The following PDE1A variants were observed in gnomAD, a reference collection of about 807,000 sequenced individuals.
PDE1A encodes phosphodiesterase 1A.
PDE1A carries 35 observed loss-of-function variants against 61.7 expected under a neutral mutation model. The ratio of observed to expected loss-of-function variants is 0.57; its 90% CI spans 0.43 to 0.75. The LOEUF is 0.75. Ranked by LOEUF, PDE1A falls within the 30% of genes least tolerant of loss-of-function variation. The pLI, the probability that PDE1A is intolerant of heterozygous loss-of-function variation, is 0.00. For missense variants in PDE1A, 597 were observed against 630.6 expected (o/e 0.95, Z 0.57); for synonymous variants, 232 against 213.2 (o/e 1.09, Z -0.77).
chr2:182,699,911 C>A, the PDE1A span, among the ~76,000 whole-genome samples: 1 of 152,190 alleles, frequency 6.6e-6, no homozygotes, highest in Admixed American at 6.5e-5. Flanking sequence ...AGCTAGGATT[C>A]CAACCAGGCC....
At chr2:182,458,002 A>G (rs186236545) in intron 2 of PDE1A, among the ~76,000 whole-genome samples, 19 of 152,180 alleles carry the variant, frequency 1.2e-4, no homozygotes, top group Admixed American at 2.6e-4. Flanking sequence ...TCCTCTATTG[A>G]TAAGGGAAAC....
intron 1 of PDE1A, among the ~76,000 whole-genome samples, chr2:182,369,011 C>T (rs1419172228): frequency 1.3e-5 from 2 of 150,546 alleles, no homozygotes; most frequent in East Asian, 1.9e-4. Context: ...GAGTTAGACT[C>T]GGATAAAAAA....
intron 3 of PDE1A, among the ~76,000 whole-genome samples, 179 bp downstream of exon 3, chr2:182,239,931 C>T (rs896230426): frequency 5.9e-5 from 9 of 152,102 alleles, no homozygotes; most frequent in African/African-American, 2.2e-4. Context: ...CATCCGGGAC[C>T]AGGTGTTTTT....
intron 1 of PDE1A, among the ~76,000 whole-genome samples, chr2:182,264,848 A>G (rs1482793847): frequency 1.7e-5 from 2 of 114,810 alleles, no homozygotes; most frequent in African/African-American, 3.5e-5. Context: ...TTGACCAATG[A>G]GTGGATAAAG....
chr2:182,193,070 C>T (rs1685846576), intron 10 of PDE1A, among the ~76,000 whole-genome samples: 1 of 152,064 alleles, frequency 6.6e-6, no homozygotes, highest in Non-Finnish European at 1.5e-5. Flanking sequence ...TCACTGCAAC[C>T]TCCGCCTCCT....
chr2:182,388,164 T>C (rs1250111625), intron 1 of PDE1A, among the ~76,000 whole-genome samples: 1 of 152,168 alleles, frequency 6.6e-6, no homozygotes, highest in Non-Finnish European at 1.5e-5. Context: ...TACAACATTG[T>C]AGCACTTAAA....
the PDE1A span, among the ~76,000 whole-genome samples, chr2:182,544,923 G>A: frequency 6.6e-6 from 1 of 152,020 alleles, no homozygotes; most frequent in African/African-American, 2.4e-5. Flanking sequence ...GGATGAAAAG[G>A]AATAAACAGT....
chr2:182,374,678 C>T (rs1185963486), intron 1 of PDE1A, among the ~76,000 whole-genome samples: 1 of 152,158 alleles, frequency 6.6e-6, no homozygotes, highest in South Asian at 2.1e-4. Flanking sequence ...AAACACTTCA[C>T]AAAATAAGAC....
At chr2:182,233,885 G>A (rs1413669363) in intron 4 of PDE1A, among the ~76,000 whole-genome samples, 3 of 151,830 alleles carry the variant, frequency 2.0e-5, no homozygotes, top group Non-Finnish European at 2.9e-5. Context: ...TCTAACATAT[G>A]TAGCGCTGCA....
rs201821721 is a variant in PDE1A at position 182,364,466 on chromosome 2, TAAAAAAA to T, written c.53+62105_53+62111del. On this transcript the variant is annotated intron_variant, in intron 1 of 13. Coordinates refer to ENST00000351439, the Ensembl canonical transcript of PDE1A. ...CTCAGACTATATTAGAACACTTTGG[TAAAAAAA>T]AAAAAAAAAAAAAAAAAAAAAAAAA... Among the ~76,000 whole-genome samples, 179 of 35,826 alleles carry T rather than the reference TAAAAAAA, an allele frequency of 5.0e-3. 1 individual carries two copies. Among genetic ancestry groups the T allele is most frequent in the African/African-American group, 0.015 (144 of 9,800 alleles). The allele number at this position is 35,826 out of a possible 152,430, so 23.5% of individuals were successfully genotyped here.
intron 1 of PDE1A, among the ~76,000 whole-genome samples, chr2:182,330,574 C>T (rs961902337): frequency 6.6e-6 from 1 of 152,054 alleles, no homozygotes; most frequent in South Asian, 2.1e-4. Context: ...TTCTCTCTGG[C>T]TTCAACCGTC....
the PDE1A span, among the ~76,000 whole-genome samples, chr2:182,688,175 G>A: frequency 6.6e-6 from 1 of 152,176 alleles, no homozygotes; most frequent in African/African-American, 2.4e-5. Context: ...GAAATACAGA[G>A]AATGCAACAA....
intron 8 of PDE1A, among the ~76,000 whole-genome samples, 179 bp from the exon 9 acceptor site, chr2:182,201,968 G>T (rs1350779186): frequency 3.9e-5 from 6 of 152,162 alleles, no homozygotes; most frequent in Admixed American, 3.9e-4. Context: ...CCTTTTAACT[G>T]TCATGGATCT....
At chr2:182,179,415 T>C (rs1684553804) in intron 13 of PDE1A, among the ~76,000 whole-genome samples, 1 of 152,206 alleles carries the variant, frequency 6.6e-6, no homozygotes, top group Admixed American at 6.6e-5. Flanking sequence ...TCCATTTATA[T>C]TGTTTTAAAA....
chr2:182,375,216 C>G lies in PDE1A; in HGVS notation c.53+51362G>C, dbSNP rs139257877. Reference sequence around the variant, plus strand: ...TTCAAAACCAATCATGCCTTCCCAGCAGTACCCCAAAGTCCTAACTCATTT... The same window carrying G: ...TTCAAAACCAATCATGCCTTCCCAGGAGTACCCCAAAGTCCTAACTCATTT... On this transcript the variant is annotated intron_variant, in intron 1 of 13. Coordinates refer to ENST00000351439, the Ensembl canonical transcript of PDE1A. Among the ~76,000 whole-genome samples, 1,208 of 152,300 alleles carry G rather than the reference C, an allele frequency of 7.9e-3. 8 individuals are homozygous for G. The highest frequency in any genetic ancestry group is 0.019 in the South Asian group (92 of 4,822).
At chr2:182,239,676 G>C (rs546834519) in intron 3 of PDE1A, among the ~76,000 whole-genome samples, 9 of 135,482 alleles carry the variant, frequency 6.6e-5, no homozygotes, top group African/African-American at 2.6e-4. Flanking sequence ...AAGAAGGGAA[G>C]CAAATGGTCT....
chr2:182,649,222 C>T, the PDE1A span, among the ~76,000 whole-genome samples: 1 of 152,150 alleles, frequency 6.6e-6, no homozygotes, highest in African/African-American at 2.4e-5. Context: ...AATCTTGGTA[C>T]CCACTGCCTG....
chr2:182,208,301 T>G (rs893878395), intron 7 of PDE1A, among the ~76,000 whole-genome samples: 7 of 151,986 alleles, frequency 4.6e-5, no homozygotes, highest in African/African-American at 1.7e-4. Context: ...AAACTTACAA[T>G]CATGATGGAA....
the PDE1A span, among the ~76,000 whole-genome samples, chr2:182,582,193 G>T: frequency 6.6e-6 from 1 of 152,154 alleles, no homozygotes; most frequent in African/African-American, 2.4e-5. Flanking sequence ...CTGGTTAGAT[G>T]GATACTTCCA....
Sources: allele counts gnomAD v4.1 joint callset (sites outside exome capture counted in the v4.1 genomes callset), GRCh38; gene constraint gnomAD v4.1.1; transcripts MANE v1.5; gene names NCBI Gene and HGNC (gene_info 2026-07-23, HGNC 2026-07-21).